The following CAMK1D variants were observed in gnomAD, a reference collection of about 807,000 sequenced individuals.
CAMK1D encodes calcium/calmodulin dependent protein kinase ID.
In CAMK1D, 9 loss-of-function variants were observed where a neutral mutation model predicts 47.7. The ratio of observed to expected loss-of-function variants is 0.19; its 90% CI spans 0.11 to 0.33. The LOEUF (loss-of-function observed/expected upper bound fraction) is 0.33, where lower values mean the gene tolerates loss of function less well. CAMK1D is among the 10% of genes least tolerant of loss of function. The pLI is 1.00. For missense variants in CAMK1D, 291 were observed against 488.7 expected, an observed-to-expected ratio of 0.60 and a Z score of 3.81; for synonymous variants, 184 against 184.9, an observed-to-expected ratio of 0.99 and a Z score of 0.04.
At chr10:12,551,800 C>T (rs866183755) in intron 1 of CAMK1D, among the ~76,000 whole-genome samples, 1 of 152,156 alleles carries the variant, frequency 6.6e-6, no homozygotes. Context: ...AACCACCCTC[C>T]TCTCCCGGGT....
At chr10:12,477,600 G>A (rs1181062780) in intron 1 of CAMK1D, among the ~76,000 whole-genome samples, 1 of 152,168 alleles carries the variant, frequency 6.6e-6, no homozygotes, top group Non-Finnish European at 1.5e-5. Context: ...ACAGGTGAAG[G>A]GGCTGGAAGA....
At chr10:12,488,650 A>G (rs570329470) in intron 1 of CAMK1D, among the ~76,000 whole-genome samples, 2 of 152,266 alleles carry the variant, frequency 1.3e-5, no homozygotes, top group African/African-American at 2.4e-5. Flanking sequence ...ATGTAGAGCC[A>G]GTGGGAGCCC....
intron 1 of CAMK1D, among the ~76,000 whole-genome samples, chr10:12,392,251 G>T (rs183588878): frequency 6.6e-6 from 1 of 152,114 alleles, no homozygotes; most frequent in East Asian, 1.9e-4. Context: ...GCAGTGAGCC[G>T]AGATGGTGCC....
At chr10:12,695,183 G>GGAC (rs1564500025) in intron 3 of CAMK1D, among the ~76,000 whole-genome samples, 1 of 152,116 alleles carries the variant, frequency 6.6e-6, no homozygotes, top group African/African-American at 2.4e-5. Context: ...TGATAAAGCA[G>GGAC]GACATGATAC....
intron 4 of CAMK1D, among the ~76,000 whole-genome samples, chr10:12,765,215 CTTGA>C (rs1836692508): frequency 6.6e-6 from 1 of 152,168 alleles, no homozygotes; most frequent in Non-Finnish European, 1.5e-5. Context: ...TGTGTTGTTA[CTTGA>C]GGTGAAGGAT....
chr10:12,652,303 TG>T (rs1436411410), intron 2 of CAMK1D, among the ~76,000 whole-genome samples: 1 of 151,068 alleles, frequency 6.6e-6, no homozygotes, highest in Non-Finnish European at 1.5e-5. Flanking sequence ...TCCCTAGGGC[TG>T]GGTGCTGTGG....
At chr10:12,609,060 C>T (rs1235120437) in intron 2 of CAMK1D, among the ~76,000 whole-genome samples, 1 of 152,244 alleles carries the variant, frequency 6.6e-6, no homozygotes, top group East Asian at 1.9e-4. Context: ...TTCTGGTCTT[C>T]CTGCCAAGGG....
chr10:12,478,982 A>G (rs1404624031), intron 1 of CAMK1D, among the ~76,000 whole-genome samples: 2 of 152,204 alleles, frequency 1.3e-5, no homozygotes, highest in South Asian at 2.1e-4. Flanking sequence ...TTCTTACAAT[A>G]GCCTTATGAG....
At chr10:12,420,568 T>A (rs1462297127) in intron 1 of CAMK1D, among the ~76,000 whole-genome samples, 2 of 152,228 alleles carry the variant, frequency 1.3e-5, no homozygotes, top group Non-Finnish European at 2.9e-5. Context: ...TACTCTTTTT[T>A]TTTTAATTGT....
intron 1 of CAMK1D, among the ~76,000 whole-genome samples, chr10:12,395,671 C>T (rs7901780): frequency 0.19 from 28,798 of 151,724 alleles, 3,017 homozygotes; most frequent in East Asian, 0.35. Context: ...TCCCAGCATT[C>T]TGGGAGGCCG....
intron 1 of CAMK1D, among the ~76,000 whole-genome samples, chr10:12,419,180 T>C (rs573064196): frequency 6.6e-6 from 1 of 152,030 alleles, no homozygotes; most frequent in Non-Finnish European, 1.5e-5. Context: ...ATAATGACTT[T>C]ACCATATATT....
intron 1 of CAMK1D, among the ~76,000 whole-genome samples, chr10:12,448,149 T>C (rs182631499): frequency 2.6e-5 from 4 of 152,144 alleles, no homozygotes; most frequent in African/African-American, 7.2e-5. Flanking sequence ...CCACGACTCC[T>C]GGACTTTTTT....
chr10:12,548,059 C>T (rs1435311849), intron 1 of CAMK1D, among the ~76,000 whole-genome samples: 3 of 152,174 alleles, frequency 2.0e-5, no homozygotes, highest in Admixed American at 6.5e-5. Context: ...ATCAGCCCAG[C>T]GTGACACATT....
chr10:12,778,776 C>T (rs1056185158), intron 5 of CAMK1D, among the ~76,000 whole-genome samples: 8 of 152,024 alleles, frequency 5.3e-5, no homozygotes, highest in African/African-American at 1.7e-4. Context: ...AGGAGGCTGA[C>T]GCAGGAGGAT....
intron 1 of CAMK1D, among the ~76,000 whole-genome samples, chr10:12,551,300 C>T (rs1327534116): frequency 6.6e-6 from 1 of 152,206 alleles, no homozygotes; most frequent in Non-Finnish European, 1.5e-5. Flanking sequence ...CTAGGTTGCA[C>T]ACTCTTTATG....
Position 12,801,209 on chromosome 10 carries a change from G to T in CAMK1D, c.641+9976G>T, listed in dbSNP as rs560903305. Among the ~76,000 whole-genome samples, 69 of 152,026 alleles carry T rather than the reference G, an allele frequency of 4.5e-4. No individual in the cohort carries two copies. In the South Asian group the frequency reaches 0.014, roughly 30 times the overall value. On this transcript the variant is annotated intron_variant, in intron 6 of 10. Coordinates refer to ENST00000619168, the MANE Select transcript of CAMK1D (RefSeq NM_153498.4). ...CACTATGTCACTGGAACTTTCAGAT[G>T]TTACATCTCTAGTATCCATCCATCC...
chr10:12,693,674 C>T (rs1833024512), intron 3 of CAMK1D, among the ~76,000 whole-genome samples: 1 of 151,256 alleles, frequency 6.6e-6, no homozygotes, highest in South Asian at 2.1e-4. Flanking sequence ...GCCTACCTGG[C>T]CCGCTCTGTT....
chr10:12,703,548 T>C (rs991018906), intron 3 of CAMK1D, among the ~76,000 whole-genome samples: 1 of 152,170 alleles, frequency 6.6e-6, no homozygotes, highest in African/African-American at 2.4e-5. Flanking sequence ...GCAGCACCTT[T>C]CATATGTCGC....
chr10:12,789,681 C>T (rs1352722930), intron 5 of CAMK1D, among the ~76,000 whole-genome samples: 1 of 152,232 alleles, frequency 6.6e-6, no homozygotes, highest in Admixed American at 6.5e-5. Context: ...ACCTCTCATA[C>T]CTCTGTGTCC....
Sources: allele counts gnomAD v4.1 joint callset (sites outside exome capture counted in the v4.1 genomes callset), GRCh38; gene constraint gnomAD v4.1.1; transcripts MANE v1.5; gene names NCBI Gene and HGNC (gene_info 2026-07-23, HGNC 2026-07-21).